ADK: variants seen among roughly 807,000 people sequenced by gnomAD.
The protein encoded by ADK is N6,N6-dimethyladenosine kinase.
In ADK, 24 loss-of-function variants were observed where a neutral mutation model predicts 44.7. The observed-to-expected ratio is 0.54, with a 90% CI of 0.39 to 0.76. The LOEUF is 0.76. Among genes scored for constraint, ADK ranks in the 30% least tolerant of loss-of-function variants. The pLI, the probability that ADK is intolerant of heterozygous loss-of-function variation, is 0.00. For missense variants in ADK, 321 were observed against 425.1 expected, an observed-to-expected ratio of 0.76 and a Z score of 2.15; for synonymous variants, 128 against 142.6, an observed-to-expected ratio of 0.90 and a Z score of 0.73.
intron 9 of ADK, chr10:74,656,250 T>C: frequency 5.5e-6 from 1 of 182,524 alleles, no homozygotes; most frequent in Non-Finnish European, 1.1e-5. Context: ...TTGGCAGCCA[T>C]TGTCCCAGTT....
chr10:74,463,872 A>G (rs1846259078), intron 6 of ADK, among the ~76,000 whole-genome samples: 2 of 152,150 alleles, frequency 1.3e-5, no homozygotes, highest in South Asian at 4.1e-4. Flanking sequence ...ATAATTAATA[A>G]GGTGCAAGGA....
At position 74,626,319 on chromosome 10, in the gene ADK, T is replaced by G. The variant is rs1246318047; in HGVS notation, c.877+25826T>G. Among the ~76,000 whole-genome samples the G allele has an allele frequency of 5.9e-5, 9 of 151,738 alleles. No individual in the cohort carries two copies. In the East Asian group the frequency reaches 1.7e-3, roughly 29 times the overall value. Reference sequence around the variant, plus strand: ...GAGTCTAAATTTTTTTTTTTTTTTTTTGGAGGAGTCTTGCTCTGTCCCCAG... The same window carrying G: ...GAGTCTAAATTTTTTTTTTTTTTTTGTGGAGGAGTCTTGCTCTGTCCCCAG... On this transcript the variant is annotated intron_variant, in intron 9 of 10. Transcript: ENST00000539909.
chr10:74,442,951 A>T (rs1216187690), intron 6 of ADK, among the ~76,000 whole-genome samples: 3 of 152,206 alleles, frequency 2.0e-5, no homozygotes, highest in Admixed American at 1.3e-4. Context: ...TATATATGAA[A>T]TCTTAAAAAG....
chr10:74,615,875 A>T (rs1247363706), intron 9 of ADK, among the ~76,000 whole-genome samples: 1 of 151,708 alleles, frequency 6.6e-6, no homozygotes, highest in Non-Finnish European at 1.5e-5. Flanking sequence ...CGCCTGGCTC[A>T]TTTTTTTATT....
intron 6 of ADK, among the ~76,000 whole-genome samples, chr10:74,475,552 A>T (rs1299196811): frequency 6.6e-6 from 1 of 151,996 alleles, no homozygotes; most frequent in Non-Finnish European, 1.5e-5. Context: ...TCTCTTAAAA[A>T]AAAAAATTAG....
chr10:74,354,427 T>G (rs748036985), intron 4 of ADK, among the ~76,000 whole-genome samples: 6 of 152,210 alleles, frequency 3.9e-5, no homozygotes, highest in Admixed American at 6.5e-5. Flanking sequence ...AACCTTAACA[T>G]TCTTCGATAA....
intron 4 of ADK, among the ~76,000 whole-genome samples, chr10:74,356,012 T>TTTTG (rs1842131189): frequency 7.6e-6 from 1 of 131,020 alleles, no homozygotes; most frequent in Non-Finnish European, 1.6e-5. Context: ...ATTTTTTTTT[T>TTTTG]TTTTTTTTTT....
intron 9 of ADK, among the ~76,000 whole-genome samples, chr10:74,634,008 A>C (rs1163202109): frequency 6.6e-6 from 1 of 152,178 alleles, no homozygotes; most frequent in Non-Finnish European, 1.5e-5. Context: ...ATGACCCCTC[A>C]ATTACGCATA....
At chr10:74,281,302 T>G (rs1370318821) in intron 3 of ADK, among the ~76,000 whole-genome samples, 1 of 152,256 alleles carries the variant, frequency 6.6e-6, no homozygotes, top group Non-Finnish European at 1.5e-5. Flanking sequence ...GAGCCCGAAT[T>G]AATCCAAATC....
At chr10:74,371,672 C>T (rs1270828027) in intron 4 of ADK, 4 of 1,054,170 alleles carry the variant, frequency 3.8e-6, no homozygotes, top group Non-Finnish European at 1.5e-6. Context: ...GTGATGGCAT[C>T]CACATCGTAA....
At chr10:74,633,572 A>T (rs920641223) in intron 9 of ADK, among the ~76,000 whole-genome samples, 2 of 152,220 alleles carry the variant, frequency 1.3e-5, no homozygotes, top group African/African-American at 4.8e-5. Flanking sequence ...AACAAACATA[A>T]TGTGGAACAA....
intron 3 of ADK, among the ~76,000 whole-genome samples, chr10:74,310,917 TTC>T (rs1201580327): frequency 1.3e-5 from 2 of 152,178 alleles, no homozygotes; most frequent in African/African-American, 4.8e-5. Flanking sequence ...TCAGAATCAC[TTC>T]TTTCTTTGCT....
intron 10 of ADK, among the ~76,000 whole-genome samples, chr10:74,695,387 TC>T (rs1401509318): frequency 2.0e-5 from 3 of 152,186 alleles, no homozygotes; most frequent in African/African-American, 4.8e-5. Flanking sequence ...TCTATAGTTT[TC>T]TTTATTAGAG....
At chr10:74,622,301 T>C (rs1853022550) in intron 9 of ADK, among the ~76,000 whole-genome samples, 1 of 152,190 alleles carries the variant, frequency 6.6e-6, no homozygotes, top group Non-Finnish European at 1.5e-5. Flanking sequence ...CACAGGAATT[T>C]GCAAATACCC....
chr10:74,704,663 T>G (rs1000623326), intron 10 of ADK, among the ~76,000 whole-genome samples: 1 of 152,244 alleles, frequency 6.6e-6, no homozygotes, highest in Non-Finnish European at 1.5e-5. Flanking sequence ...CATCATCTAG[T>G]TCTCTTAGAA....
intron 9 of ADK, among the ~76,000 whole-genome samples, chr10:74,619,995 T>G (rs1852925054): frequency 6.6e-6 from 1 of 152,220 alleles, no homozygotes; most frequent in Non-Finnish European, 1.5e-5. Flanking sequence ...TTGCTGGGAT[T>G]ATGGGCGTGA....
intron 6 of ADK, among the ~76,000 whole-genome samples, chr10:74,406,869 T>G (rs1267179327): frequency 1.3e-5 from 2 of 151,792 alleles, no homozygotes; most frequent in African/African-American, 4.8e-5. Flanking sequence ...TTAGTAGAGG[T>G]GGGTTTTCAC....
chr10:74,224,410 T>C, intron 2 of ADK, 128 bp from the exon 3 acceptor site: 8 of 740,464 alleles, frequency 1.1e-5, no homozygotes, highest in South Asian at 9.0e-5. Flanking sequence ...TACTTGGGCA[T>C]TCTTGGTGTT....
chr10:74,641,939 T>C (rs1288938323), intron 9 of ADK, among the ~76,000 whole-genome samples: 1 of 152,230 alleles, frequency 6.6e-6, no homozygotes, highest in East Asian at 1.9e-4. Context: ...GGGTGCCCTT[T>C]CTGAGGCTCT....
Sources: gnomAD v4.1 joint callset for allele counts (sites outside exome capture counted in the v4.1 genomes callset) on GRCh38, gnomAD v4.1.1 for gene constraint, MANE v1.5 for transcripts, NCBI Gene and HGNC (gene_info 2026-07-23, HGNC 2026-07-21) for gene names.